Variants in PTP4A1 observed in about 807,000 individuals in gnomAD.
The protein encoded by PTP4A1 is protein tyrosine phosphatase 4A1.
PTP4A1 carries 9 observed loss-of-function variants against 20.5 expected under a neutral mutation model. The observed-to-expected ratio is 0.44, with a 90% CI of 0.26 to 0.77. The LOEUF (loss-of-function observed/expected upper bound fraction) is 0.77, where lower values mean the gene tolerates loss of function less well. Among genes scored for constraint, PTP4A1 ranks in the 30% least tolerant of loss-of-function variants. The probability of loss-of-function intolerance (pLI) is 0.19; values close to 1 mark genes in which losing one functional copy is unlikely to be tolerated. For missense variants in PTP4A1, 137 were observed against 218.8 expected, an observed-to-expected ratio of 0.63 and a Z score of 2.36; for synonymous variants, 78 against 67.4, an observed-to-expected ratio of 1.16 and a Z score of -0.77.
At chr6:63,520,996 CA>C (rs1388591646), upstream of PTP4A1, among the ~76,000 whole-genome samples, 1 of 152,044 alleles carries the variant, frequency 6.6e-6, no homozygotes, top group African/African-American at 2.4e-5. Context: ...GGAAACCAAA[CA>C]CCGCATGGTC....
chr6:63,570,147 T>C (rs1350556176), upstream of PTP4A1, among the ~76,000 whole-genome samples: 1 of 152,148 alleles, frequency 6.6e-6, no homozygotes, highest in Non-Finnish European at 1.5e-5. Flanking sequence ...AAAACTAGCC[T>C]AGTCAACATG....
chr6:63,557,508 G>A (rs1033152625), intron 3 of PTP4A1, among the ~76,000 whole-genome samples: 1 of 152,154 alleles, frequency 6.6e-6, no homozygotes, highest in African/African-American at 2.4e-5. Context: ...GGAGGTTGCA[G>A]TGAGTCGAGA....
intron 1 of PTP4A1, among the ~76,000 whole-genome samples, chr6:63,575,397 A>G (rs1380863700): frequency 6.6e-6 from 1 of 152,224 alleles, no homozygotes; most frequent in Admixed American, 6.5e-5. Flanking sequence ...CTGATTATTA[A>G]CATCAGTGTC....
intron 3 of PTP4A1, among the ~76,000 whole-genome samples, chr6:63,566,810 A>G (rs566361677): frequency 1.3e-5 from 2 of 152,344 alleles, no homozygotes; most frequent in South Asian, 2.1e-4. Flanking sequence ...TATTTTACAC[A>G]CAAGAGAACT....
At chr6:63,519,307 CAA>C (rs796875497), upstream of PTP4A1, among the ~76,000 whole-genome samples, 1 of 140,746 alleles carries the variant, frequency 7.1e-6, no homozygotes, top group African/African-American at 2.6e-5. Context: ...AACTCTGTCT[CAA>C]AAAAAAAAAG....
At chr6:63,523,205 T>C (rs1775011260) in intron 1 of PTP4A1, among the ~76,000 whole-genome samples, 2 of 152,062 alleles carry the variant, frequency 1.3e-5, no homozygotes, top group East Asian at 3.9e-4. Context: ...CTCTTACGAG[T>C]CATCAAAAAC....
intron 2 of PTP4A1, among the ~76,000 whole-genome samples, chr6:63,528,453 A>G (rs1167680987): frequency 6.6e-6 from 1 of 151,670 alleles, no homozygotes; most frequent in African/African-American, 2.4e-5. Flanking sequence ...GGCCGGGTAC[A>G]GTGGTTCATG....
intron 2 of PTP4A1, among the ~76,000 whole-genome samples, chr6:63,542,550 G>T (rs1044616785): frequency 4.0e-5 from 6 of 151,800 alleles, no homozygotes; most frequent in African/African-American, 1.5e-4. Context: ...TTCCCATGTT[G>T]CCTCTCTCCA....
upstream of PTP4A1, chr6:63,571,369 G>A (rs1777418679): frequency 6.6e-6 from 1 of 152,186 alleles, no homozygotes; most frequent in South Asian, 2.1e-4. Context: ...GGAAAACTGA[G>A]TTCTTAAAAA....
chr6:63,551,581 C>T (rs902988008), intron 3 of PTP4A1, among the ~76,000 whole-genome samples: 2 of 152,046 alleles, frequency 1.3e-5, no homozygotes, highest in African/African-American at 2.4e-5. Flanking sequence ...TACATGTGCA[C>T]AATGTGCAGG....
chr6:63,519,921 GA>G (rs1406486883), upstream of PTP4A1, among the ~76,000 whole-genome samples: 1 of 152,186 alleles, frequency 6.6e-6, no homozygotes, highest in Non-Finnish European at 1.5e-5. Context: ...AAATGGACTT[GA>G]AATAGACATT....
intron 4 of PTP4A1, 92 bp from the exon 5 acceptor site, chr6:63,579,165 A>G (rs1778060439): frequency 7.1e-7 from 1 of 1,410,938 alleles, no homozygotes; most frequent in African/African-American, 1.5e-5. Context: ...AGGGTGGTAG[A>G]TAATACTTCT....
chr6:63,529,834 C>A (rs1318165426), intron 2 of PTP4A1, among the ~76,000 whole-genome samples: 5 of 152,078 alleles, frequency 3.3e-5, no homozygotes, highest in Admixed American at 2.0e-4. Context: ...GAGGAATTGG[C>A]AGGAGCTATC....
Position 63,581,661 on chromosome 6 carries a change from G to A in PTP4A1, c.*1487G>A, listed in dbSNP as rs1252781720. Reference sequence around the variant, plus strand: ...CACTTTCCATTATATACTTTTTAAAGGTCTAGATAATTTTGAACCAATTTA... The same window carrying A: ...CACTTTCCATTATATACTTTTTAAAAGTCTAGATAATTTTGAACCAATTTA... On this transcript the variant is annotated 3_prime_UTR_variant, in exon 6 of 6. Coordinates refer to ENST00000626021, the MANE Select transcript of PTP4A1 (RefSeq NM_003463.5). The A allele has an allele frequency of 1.3e-5, 2 of 152,042 alleles. No homozygotes were observed. Among genetic ancestry groups the A allele is most frequent in the African/African-American group, 4.8e-5 (2 of 41,412 alleles). The allele number at this position is 152,042 out of a possible 1,614,324, so 9.4% of individuals were successfully genotyped here.
intron 2 of PTP4A1, among the ~76,000 whole-genome samples, chr6:63,541,026 A>AAAGGAAGGAAGG (rs60316277): frequency 2.0e-5 from 3 of 146,466 alleles, no homozygotes; most frequent in African/African-American, 7.6e-5. Flanking sequence ...GGGAATGAAG[A>AAAGGAAGGAAGG]AAGGAAGGAA....
At chr6:63,521,262 GA>G (rs1019597779), upstream of PTP4A1, among the ~76,000 whole-genome samples, 1 of 152,014 alleles carries the variant, frequency 6.6e-6, no homozygotes, top group African/African-American at 2.4e-5. Flanking sequence ...AGCAAGAAAA[GA>G]AAAAAACGGC....
chr6:63,546,705 T>G (rs1473884915), intron 2 of PTP4A1, among the ~76,000 whole-genome samples: 1 of 148,636 alleles, frequency 6.7e-6, no homozygotes, highest in Non-Finnish European at 1.5e-5. Flanking sequence ...AAACTCCATC[T>G]CAAAAAAAAA....
At chr6:63,547,964 A>C (rs1427523766) in intron 2 of PTP4A1, among the ~76,000 whole-genome samples, 1 of 152,136 alleles carries the variant, frequency 6.6e-6, no homozygotes, top group African/African-American at 2.4e-5. Flanking sequence ...TCACCATTTC[A>C]TATTCCCTAG....
chr6:63,578,334 G>A, intron 2 of PTP4A1, 103 bp from the exon 3 acceptor site: 1 of 1,288,696 alleles, frequency 7.8e-7, no homozygotes, highest in Non-Finnish European at 1.0e-6. Context: ...ATGATCTTCT[G>A]TTAACCAGCA....
Sources: allele counts gnomAD v4.1 joint callset (sites outside exome capture counted in the v4.1 genomes callset), GRCh38; gene constraint gnomAD v4.1.1; transcripts MANE v1.5; gene names NCBI Gene and HGNC (gene_info 2026-07-23, HGNC 2026-07-21).